The following HMCES variants were observed in gnomAD, a reference collection of about 807,000 sequenced individuals.
The protein encoded by HMCES is abasic site processing protein HMCES.
In HMCES, 27 loss-of-function variants were observed where a neutral mutation model predicts 35.1. The ratio of observed to expected loss-of-function variants is 0.77; its 90% CI spans 0.57 to 1.06. The LOEUF (loss-of-function observed/expected upper bound fraction) is 1.06, where lower values mean the gene tolerates loss of function less well. HMCES is among the 50% of genes least tolerant of loss of function. HMCES has a pLI of 0.00. For missense variants in HMCES, 391 were observed against 430.4 expected, an observed-to-expected ratio of 0.91 and a Z score of 0.81; for synonymous variants, 130 against 154.7, an observed-to-expected ratio of 0.84 and a Z score of 1.18.
rs1309595297 is a variant in HMCES, at chr3:129,305,728, T to A, written c.*903T>A. The A allele has an allele frequency of 1.3e-5, 2 of 152,334 alleles. No individual in the cohort carries two copies. The highest frequency in any genetic ancestry group is 2.9e-5 in the Non-Finnish European group (2 of 68,144). The allele number at this position is 152,334 out of a possible 1,614,324, so 9.4% of individuals were successfully genotyped here. On this transcript the variant is annotated 3_prime_UTR_variant, in exon 7 of 7. Coordinates refer to ENST00000383463, the MANE Select transcript of HMCES (RefSeq NM_020187.3). Reference sequence around the variant, plus strand: ...CAGAACGCTCCTGGCGCAGCACCGTTGGCGTTGGCCGATTGCTGCTGGTGG... The same window carrying A: ...CAGAACGCTCCTGGCGCAGCACCGTAGGCGTTGGCCGATTGCTGCTGGTGG...
In HMCES at chr3:129,300,043, T is replaced by C. The variant is rs569763538; in HGVS notation, c.635+1508T>C. Among the ~76,000 whole-genome samples the C allele has an allele frequency of 1.4e-4, 21 of 152,050 alleles. No homozygotes were observed. The East Asian group carries it at 3.3e-3, about 24-fold the overall frequency. On this transcript the variant is annotated intron_variant, in intron 5 of 6. Transcript: ENST00000383463. The stretch of plus-strand genomic sequence containing the variant: ...AAATAATCACATGTTCTCATTTTTC[T>C]TCCAGGATCTTTTACTATTTCAAGC...
rs2071214975 is a variant in HMCES, at chr3:129,304,759, C to T, written c.999C>T (p.Leu333=). 1 of 1,614,090 alleles carries T rather than the reference C, an allele frequency of 6.2e-7. No homozygotes were observed. Among genetic ancestry groups the T allele is most frequent in the Non-Finnish European group, 8.5e-7 (1 of 1,180,008 alleles). ...PLPTKRGTAG[L]LEQWLKREKE... Reference sequence around the variant, plus strand: ...CCACCAAGAGAGGCACTGCAGGACTCCTAGAGCAATGGCTGAAGCGGGAGA... The same window carrying T: ...CCACCAAGAGAGGCACTGCAGGACTTCTAGAGCAATGGCTGAAGCGGGAGA... The change falls in exon 7 of 7, where the codon CTC becomes CTT. Residue 333 remains leucine (L), a synonymous_variant. Coordinates refer to ENST00000383463, the MANE Select transcript of HMCES (RefSeq NM_020187.3).
chr3:129,298,469 A>T lies in HMCES; in HGVS notation c.569A>T (p.Asp190Val), dbSNP rs147781175. 6.2e-6 allele frequency: 10 copies of T among 1,614,000 alleles called. No individual in the cohort carries two copies. The African/African-American group carries it at 1.2e-4, about 19-fold the overall frequency. ...FDCWEPPEGG[D>V]VLYSYTIITV... is the part of the protein sequence containing the mutation. ...TGCTGGGAGCCCCCAGAGGGAGGAGATGTCCTGTATTCCTATACCATCATC... is the reference window on the plus strand; with the variant it reads ...TGCTGGGAGCCCCCAGAGGGAGGAGTTGTCCTGTATTCCTATACCATCATC... The change falls in exon 5 of 7, where the codon GAT becomes GTT. Residue 190 changes from aspartate (D) to valine (V), a missense_variant. Coordinates refer to ENST00000383463, the MANE Select transcript of HMCES (RefSeq NM_020187.3).
intron 4 of HMCES, 132 bp downstream of exon 4, chr3:129,290,936 C>T: frequency 1.2e-6 from 1 of 843,306 alleles, no homozygotes; most frequent in Non-Finnish European, 1.7e-6. Flanking sequence ...AGTGCGGTGG[C>T]TCACGCCTGT....
At chr3:129,298,681 T>TA (rs2071123776) in intron 5 of HMCES, 146 bp downstream of exon 5, 2 of 687,404 alleles carry the variant, frequency 2.9e-6, no homozygotes, top group Non-Finnish European at 4.8e-6. Flanking sequence ...CATACATTCC[T>TA]AAAAATCACT....
At chr3:129,287,203 T>G (rs985298975) in intron 2 of HMCES, among the ~76,000 whole-genome samples, 2 of 149,962 alleles carry the variant, frequency 1.3e-5, no homozygotes, top group African/African-American at 5.1e-5. Context: ...TGTTTTTTTT[T>G]GTGGGGTTTT....
intron 5 of HMCES, among the ~76,000 whole-genome samples, chr3:129,299,854 C>A (rs1254311916): frequency 6.6e-6 from 1 of 151,810 alleles, no homozygotes; most frequent in Non-Finnish European, 1.5e-5. Context: ...TGGTCTAGAT[C>A]TCCTGACCTT....
intron 3 of HMCES, 132 bp downstream of exon 3, chr3:129,289,129 T>C (rs999942794): frequency 2.8e-6 from 2 of 705,704 alleles, no homozygotes; most frequent in Non-Finnish European, 4.3e-6. Context: ...CAGTTGTTAA[T>C]GTGGAATGCT....
chr3:129,283,035 T>C (rs1560072407), intron 2 of HMCES, among the ~76,000 whole-genome samples: 1 of 152,174 alleles, frequency 6.6e-6, no homozygotes, highest in African/African-American at 2.4e-5. Context: ...TTTTTTGTCA[T>C]AGGGAGCTAT....
At chr3:129,291,192 CAAAAT>C (rs887630623) in intron 4 of HMCES, among the ~76,000 whole-genome samples, 7 of 151,768 alleles carry the variant, frequency 4.6e-5, no homozygotes, top group East Asian at 1.9e-4. Context: ...AAGACTCTGT[CAAAAT>C]AAAATAAAAT....
chr3:129,302,813 G>T (rs1246502593), intron 6 of HMCES, among the ~76,000 whole-genome samples: 2 of 151,414 alleles, frequency 1.3e-5, no homozygotes, highest in African/African-American at 4.9e-5. Context: ...AGGAGTTCCA[G>T]ACCTGCCTGG....
chr3:129,280,999 G>A (rs111549537), intron 2 of HMCES, among the ~76,000 whole-genome samples: 18,768 of 152,076 alleles, frequency 0.12, 1,308 homozygotes, highest in Middle Eastern at 0.23. Context: ...GGAGGCGGGC[G>A]GATCACGAGG....
intron 4 of HMCES, among the ~76,000 whole-genome samples, chr3:129,297,687 T>C (rs544665743): frequency 7.5e-4 from 114 of 152,250 alleles, no homozygotes; most frequent in African/African-American, 2.5e-3. Flanking sequence ...ATTCTTAACC[T>C]GGTTGTATGA....
chr3:129,290,865 A>G (rs756222385), intron 4 of HMCES, 61 bp downstream of exon 4: 2 of 1,504,228 alleles, frequency 1.3e-6, no homozygotes, highest in Non-Finnish European at 1.8e-6. Flanking sequence ...AATTAATCCA[A>G]AGGACATTTT....
At position 129,298,352 on chromosome 3, in the gene HMCES, A is replaced by G. The variant is rs151272757; in HGVS notation, c.454-2A>G. ...TAATCTGCCCATATATTTTGCTTCC[A>G]GTCAGGTAGCATTGGTGCTGCAGAT... On this transcript the variant is annotated splice_acceptor_variant, in intron 4 of 6. Transcript: ENST00000383463. LOFTEE classifies it high-confidence loss of function. 3 of 1,614,028 alleles carry G rather than the reference A, an allele frequency of 1.9e-6. No homozygotes were observed. The African/African-American group carries it at 4.0e-5, about 22-fold the overall frequency.
rs780434183 is a variant in HMCES, at chr3:129,279,737, G to T, written c.5G>T (p.Cys2Phe). The T allele has an allele frequency of 6.2e-7, 1 of 1,612,930 alleles. No homozygotes were observed. The highest frequency in any genetic ancestry group is 8.5e-7 in the Non-Finnish European group (1 of 1,179,610). M[C>F]GRTSCHLPRD... Reference sequence around the variant, plus strand: ...TGCGAGGGGCGGTGTTGAAGAATGTGTGGGCGAACATCCTGTCACTTACCT... The same window carrying T: ...TGCGAGGGGCGGTGTTGAAGAATGTTTGGGCGAACATCCTGTCACTTACCT... The change falls in exon 2 of 7, where the codon TGT becomes TTT. Residue 2 changes from cysteine (C) to phenylalanine (F), a missense_variant. Transcript: ENST00000383463. The surrounding 1 kb of genome is among the most constrained non-coding windows in gnomAD (Gnocchi z 4.2).
chr3:129,304,485 C>G (rs1560079530), intron 6 of HMCES, 104 bp from the exon 7 acceptor site: 4 of 949,754 alleles, frequency 4.2e-6, no homozygotes, highest in Non-Finnish European at 6.6e-6. Context: ...ATTTTCCAAG[C>G]CTGGGTAAGT....
At chr3:129,302,488 G>A (rs192801528) in intron 6 of HMCES, among the ~76,000 whole-genome samples, 115 of 152,260 alleles carry the variant, frequency 7.6e-4, no homozygotes, top group Admixed American at 1.8e-3. Context: ...GCCGAGGCAA[G>A]TGGATCACGA....
chr3:129,288,951 C>T lies in HMCES; in HGVS notation c.281C>T (p.Thr94Ile). ...GATCCTTCCAAGCTGCAGTTCAATA[C>T]TACCAACTGTCGTAGTGATACCGTA... Reference protein sequence around the residue: ...ESDPSKLQFNTTNCRSDTVME... With the variant: ...ESDPSKLQFNITNCRSDTVME... Residue 94 changes from threonine to isoleucine, a missense_variant, in exon 3 of 7, where the codon ACT (threonine) becomes ATT (isoleucine). By Grantham distance (89) the Thr-to-Ile change is moderately conservative. Transcript: ENST00000383463. The T allele has an allele frequency of 6.2e-7, 1 of 1,600,902 alleles. No homozygotes were observed. Among genetic ancestry groups the T allele is most frequent in the Non-Finnish European group, 8.5e-7 (1 of 1,169,610 alleles).
Sources: allele counts gnomAD v4.1 joint callset (sites outside exome capture counted in the v4.1 genomes callset), GRCh38; gene constraint gnomAD v4.1.1; non-coding constraint Gnocchi (gnomAD v3.1); transcripts MANE v1.5; gene names NCBI Gene and HGNC (gene_info 2026-07-23, HGNC 2026-07-21).